The following GPC5 variants were observed in gnomAD, a reference collection of about 807,000 sequenced individuals.
The protein encoded by GPC5 is glypican-5.
In GPC5, 47 loss-of-function variants were observed where a neutral mutation model predicts 53.9. The ratio of observed to expected loss-of-function variants is 0.87; its 90% CI spans 0.69 to 1.11. The LOEUF is 1.11. GPC5 is among the 50% of genes most tolerant of loss of function. The pLI is 0.00. For missense variants in GPC5, 748 were observed against 713.1 expected (o/e 1.05, Z -0.56); for synonymous variants, 286 against 263.3 (o/e 1.09, Z -0.84).
At chr13:92,429,320 A>C (rs1876980050) in intron 7 of GPC5, among the ~76,000 whole-genome samples, 1 of 151,994 alleles carries the variant, frequency 6.6e-6, no homozygotes, top group Admixed American at 6.6e-5. Flanking sequence ...GATAGTCGCC[A>C]CATTTCATAT....
chr13:92,607,551 G>T (rs988739530), intron 7 of GPC5, among the ~76,000 whole-genome samples: 3 of 151,936 alleles, frequency 2.0e-5, no homozygotes, highest in African/African-American at 7.3e-5. Context: ...CTGATAATAA[G>T]GCAGAAAATT....
chr13:92,558,627 A>C (rs1261211352), intron 7 of GPC5, among the ~76,000 whole-genome samples: 1 of 152,016 alleles, frequency 6.6e-6, no homozygotes, highest in South Asian at 2.1e-4. Flanking sequence ...CGCTGGGGTA[A>C]GCAGGGAAGG....
chr13:92,513,169 G>C (rs1880637708), intron 7 of GPC5, among the ~76,000 whole-genome samples: 1 of 152,196 alleles, frequency 6.6e-6, no homozygotes, highest in Non-Finnish European at 1.5e-5. Context: ...TAGGAGAAGG[G>C]CGGGAATCAG....
chr13:92,447,203 T>C (rs999353381), intron 7 of GPC5: 1 of 152,174 alleles, frequency 6.6e-6, no homozygotes, highest in African/African-American at 2.4e-5. Flanking sequence ...CAAGAAATCT[T>C]TGCCTAGTCC....
intron 6 of GPC5, among the ~76,000 whole-genome samples, chr13:92,007,307 T>C (rs1377477534): frequency 1.3e-5 from 2 of 152,210 alleles, no homozygotes; most frequent in Non-Finnish European, 2.9e-5. Context: ...ATCATAACAG[T>C]AGATATATTG....
At chr13:92,232,444 T>A (rs2042537827) in intron 7 of GPC5, among the ~76,000 whole-genome samples, 1 of 152,226 alleles carries the variant, frequency 6.6e-6, no homozygotes, top group South Asian at 2.1e-4. Flanking sequence ...TAAAGTTGAA[T>A]AAAGGAATGT....
At chr13:91,748,675 C>A (rs1328611453) in intron 4 of GPC5, among the ~76,000 whole-genome samples, 1 of 152,086 alleles carries the variant, frequency 6.6e-6, no homozygotes, top group Non-Finnish European at 1.5e-5. Flanking sequence ...TACTAGAGAG[C>A]AAGGGCTATA....
At chr13:91,453,440 C>T (rs920833682) in intron 2 of GPC5, among the ~76,000 whole-genome samples, 2 of 151,740 alleles carry the variant, frequency 1.3e-5, no homozygotes, top group Non-Finnish European at 1.5e-5. Context: ...AATATGAAGA[C>T]AAATAGATTT....
At chr13:91,617,385 G>A (rs2033726438) in intron 2 of GPC5, among the ~76,000 whole-genome samples, 1 of 152,092 alleles carries the variant, frequency 6.6e-6, no homozygotes. Flanking sequence ...GAGTCTGGGT[G>A]GCAGAAGGAT....
chr13:91,664,506 T>C (rs1264623594), intron 2 of GPC5, among the ~76,000 whole-genome samples: 1 of 152,242 alleles, frequency 6.6e-6, no homozygotes, highest in Non-Finnish European at 1.5e-5. Context: ...TTTGGATTAC[T>C]TACTGCTCTT....
chr13:92,845,881 T>C (rs1220191725), intron 7 of GPC5, among the ~76,000 whole-genome samples: 2 of 152,194 alleles, frequency 1.3e-5, no homozygotes, highest in Non-Finnish European at 2.9e-5. Context: ...TAGTTGTACA[T>C]TTGTACATAT....
intron 7 of GPC5, among the ~76,000 whole-genome samples, chr13:92,383,328 A>G (rs1262741712): frequency 1.3e-5 from 2 of 152,212 alleles, no homozygotes; most frequent in Non-Finnish European, 2.9e-5. Context: ...TTGTTTTTAA[A>G]CTAAATGATA....
chr13:91,997,055 CA>C (rs1392482572), intron 6 of GPC5, among the ~76,000 whole-genome samples: 13 of 152,052 alleles, frequency 8.5e-5, no homozygotes, highest in South Asian at 2.1e-4. Flanking sequence ...GTGATACACA[CA>C]TTTTTTTATT....
intron 2 of GPC5, among the ~76,000 whole-genome samples, chr13:91,632,763 A>G (rs2034191259): frequency 6.6e-6 from 1 of 152,134 alleles, no homozygotes; most frequent in Admixed American, 6.6e-5. Flanking sequence ...AAAACAATCA[A>G]AAGCTGTTGA....
chr13:92,433,238 G>T (rs1332561482), intron 7 of GPC5, among the ~76,000 whole-genome samples: 1 of 152,034 alleles, frequency 6.6e-6, no homozygotes, highest in Non-Finnish European at 1.5e-5. Context: ...TGAAGATCAG[G>T]TTACATTCTT....
intron 5 of GPC5, among the ~76,000 whole-genome samples, chr13:91,772,015 G>A (rs1319811755): frequency 6.6e-6 from 1 of 152,184 alleles, no homozygotes; most frequent in African/African-American, 2.4e-5. Flanking sequence ...GGAGATTAAA[G>A]AGTGGAAGTG....
rs139658124 is a variant in GPC5, at chr13:91,949,898, C to A, written c.1401+41841C>A. Among the ~76,000 whole-genome samples the A allele has an allele frequency of 1.8e-4, 27 of 152,280 alleles. 1 individual carries two copies. The East Asian group carries it at 5.0e-3, about 28-fold the overall frequency. On this transcript the variant is annotated intron_variant, in intron 6 of 7. Coordinates refer to ENST00000377067, the MANE Select transcript of GPC5 (RefSeq NM_004466.6). The stretch of plus-strand genomic sequence containing the variant: ...TTTGCATGTCATTGTCAGCCTTTCA[C>A]TTTGTCTTTAGCTAACAGGAACCTC...
chr13:92,588,349 A>G (rs1378726799), intron 7 of GPC5, among the ~76,000 whole-genome samples: 2 of 152,210 alleles, frequency 1.3e-5, no homozygotes, highest in African/African-American at 4.8e-5. Flanking sequence ...AAAGGATTCT[A>G]AATCATTCTA....
intron 6 of GPC5, among the ~76,000 whole-genome samples, chr13:92,115,149 T>C (rs1196210360): frequency 6.6e-6 from 1 of 152,202 alleles, no homozygotes; most frequent in Non-Finnish European, 1.5e-5. Flanking sequence ...AATCCATGTT[T>C]TGGTTGTACA....
Sources: allele counts gnomAD v4.1 joint callset (sites outside exome capture counted in the v4.1 genomes callset), GRCh38; gene constraint gnomAD v4.1.1; transcripts MANE v1.5; gene names NCBI Gene and HGNC (gene_info 2026-07-23, HGNC 2026-07-21).